PXDNL: variants seen among roughly 807,000 people sequenced by gnomAD.
The protein encoded by PXDNL is peroxidasin like.
A neutral mutation model predicts 150.8 loss-of-function variants in PXDNL; 145 were observed. The ratio of observed to expected loss-of-function variants is 0.96; its 90% confidence interval spans 0.84 to 1.10. PXDNL has a LOEUF of 1.10. Among genes scored for constraint, PXDNL ranks in the 50% least tolerant of loss-of-function variants. The probability of loss-of-function intolerance (pLI) is 0.00; values close to 1 mark genes in which losing one functional copy is unlikely to be tolerated. For missense variants in PXDNL, 2,087 were observed against 1,873.9 expected (o/e 1.11, Z -2.10); for synonymous variants, 757 against 725.7 (o/e 1.04, Z -0.69).
In PXDNL at chr8:51,350,263, C is replaced by T. The variant is rs186593731; in HGVS notation, c.3902-4316G>A. Among the ~76,000 whole-genome samples, 73 of 151,624 alleles carry T rather than the reference C, an allele frequency of 4.8e-4. 1 individual carries two copies. The highest frequency in any genetic ancestry group is 1.7e-3 in the African/African-American group (70 of 41,252). Reference sequence around the variant, plus strand: ...AGGCAGTGATTGATTCGCATAGGGCCCAGGGGATTGGTCTGACCAGGTATG... The same window carrying T: ...AGGCAGTGATTGATTCGCATAGGGCTCAGGGGATTGGTCTGACCAGGTATG... On this transcript the variant is annotated intron_variant, in intron 19 of 22. Coordinates refer to ENST00000356297, the MANE Select transcript of PXDNL (RefSeq NM_144651.5).
rs2130098795 is a variant in PXDNL at position 51,472,193 on chromosome 8, T to C, written c.806A>G (p.His269Arg). Reference sequence around the variant, plus strand: ...GTCCATGCTCAGTATTTACTTGTTGTGTATCCAAATAATCTCAGGTTTGGG... The same window carrying C: ...GTCCATGCTCAGTATTTACTTGTTGCGTATCCAAATAATCTCAGGTTTGGG... ...GNPKPEIIWI[H>R]NNHSLDLEDD... Residue 269 changes from histidine to arginine, a missense_variant, in exon 8 of 23, where the codon CAC becomes CGC. Physicochemically the swap from His to Arg is conservative, Grantham distance 29. Transcript: ENST00000356297. 6.2e-7 allele frequency: 1 copy of C among 1,605,298 alleles called. No individual in the cohort carries two copies. Among genetic ancestry groups the C allele is most frequent in the Non-Finnish European group, 8.5e-7 (1 of 1,172,106 alleles).
intron 1 of PXDNL, among the ~76,000 whole-genome samples, chr8:51,808,396 AC>A (rs2037700813): frequency 6.6e-6 from 1 of 152,124 alleles, no homozygotes; most frequent in Admixed American, 6.5e-5. Flanking sequence ...TTAAAAATAG[AC>A]CCTAGAAACA....
intron 8 of PXDNL, among the ~76,000 whole-genome samples, chr8:51,465,385 G>A (rs116236890): frequency 0.014 from 2,085 of 151,688 alleles, 26 homozygotes; most frequent in Middle Eastern, 0.027. Flanking sequence ...CAACAAACTA[G>A]GCGTCAAAGC....
chr8:51,322,028 G>T (rs888718984), intron 21 of PXDNL, among the ~76,000 whole-genome samples: 5 of 152,156 alleles, frequency 3.3e-5, no homozygotes, highest in African/African-American at 1.2e-4. Flanking sequence ...GTAAAAAAGA[G>T]GAAGAGACAC....
At chr8:51,556,135 G>T (rs116386871) in intron 4 of PXDNL, among the ~76,000 whole-genome samples, 1 of 152,052 alleles carries the variant, frequency 6.6e-6, no homozygotes, top group East Asian at 1.9e-4. Flanking sequence ...AGCTGGGCAT[G>T]ATGGGGCATA....
intron 1 of PXDNL, among the ~76,000 whole-genome samples, chr8:51,766,730 T>C (rs2037235466): frequency 6.7e-6 from 1 of 148,156 alleles, no homozygotes. Context: ...TTATTTGTGA[T>C]GCATCTTTTT....
chr8:51,554,967 T>C (rs1812570866), intron 4 of PXDNL, among the ~76,000 whole-genome samples: 2 of 152,222 alleles, frequency 1.3e-5, no homozygotes, highest in African/African-American at 2.4e-5. Flanking sequence ...TTGTGCCCAT[T>C]ATCCAGTTCC....
chr8:51,356,989 TC>T (rs1387452357), intron 19 of PXDNL, among the ~76,000 whole-genome samples: 1 of 152,146 alleles, frequency 6.6e-6, no homozygotes, highest in African/African-American at 2.4e-5. Flanking sequence ...CTGATAATTA[TC>T]CCCCAAACCA....
At chr8:51,360,565 G>A (rs112811157) in intron 19 of PXDNL, among the ~76,000 whole-genome samples, 7,488 of 152,206 alleles carry the variant, frequency 0.049, 604 homozygotes, top group African/African-American at 0.17. Flanking sequence ...ACCTATCCAC[G>A]TACACAGTTA....
At position 51,403,741 on chromosome 8, in the gene PXDNL, C is replaced by A. The variant is rs117493142; in HGVS notation, c.3557+4326G>T. On this transcript the variant is annotated intron_variant, in intron 17 of 22. Transcript: ENST00000356297. ...GATCTAAATGTGTCTACCCAAAATT[C>A]AAATGTGGAAGCTTCATCTCCGATG... 2.0e-4 allele frequency among the ~76,000 whole-genome samples: 30 copies of A among 152,276 alleles called. No individual in the cohort carries two copies. The East Asian group carries it at 5.0e-3, about 25-fold the overall frequency.
chr8:51,544,963 TGAAATAAAATTGAATTTCA>T, intron 4 of PXDNL, among the ~76,000 whole-genome samples: 1 of 152,314 alleles, frequency 6.6e-6, no homozygotes, highest in South Asian at 2.1e-4. Flanking sequence ...CAAGATATAC[TGAAATAAAATTGAATTTCA>T]GAGTTTATGA....
chr8:51,608,544 G>C (rs1813920765), intron 2 of PXDNL, among the ~76,000 whole-genome samples: 1 of 147,360 alleles, frequency 6.8e-6, no homozygotes, highest in Non-Finnish European at 1.5e-5. Context: ...AAGGTAAAGA[G>C]AAAGTATTGC....
chr8:51,413,283 A>G, intron 14 of PXDNL, 25 bp from the exon 15 acceptor site: 2 of 1,419,892 alleles, frequency 1.4e-6, no homozygotes, highest in Non-Finnish European at 2.0e-6. Context: ...TCCATGATTA[A>G]AAATATCAAA....
At chr8:51,715,433 A>G (rs1348889638) in intron 1 of PXDNL, among the ~76,000 whole-genome samples, 1 of 152,218 alleles carries the variant, frequency 6.6e-6, no homozygotes, top group Non-Finnish European at 1.5e-5. Flanking sequence ...TTTAATCACT[A>G]CACTAAGCAG....
chr8:51,528,508 T>G (rs1043865232), intron 4 of PXDNL, among the ~76,000 whole-genome samples: 1 of 152,344 alleles, frequency 6.6e-6, no homozygotes, highest in Middle Eastern at 3.4e-3. Flanking sequence ...CTCAAAGATG[T>G]AAATGCCTTA....
intron 4 of PXDNL, among the ~76,000 whole-genome samples, chr8:51,506,512 G>A (rs936592241): frequency 6.2e-5 from 7 of 113,774 alleles, no homozygotes; most frequent in Admixed American, 2.8e-4. Flanking sequence ...CTGCACTCCA[G>A]CCTGGGTGAC....
At chr8:51,461,758 G>A (rs556990626) in intron 8 of PXDNL, among the ~76,000 whole-genome samples, 3 of 152,338 alleles carry the variant, frequency 2.0e-5, no homozygotes, top group African/African-American at 4.8e-5. Flanking sequence ...GAAAATGTAG[G>A]TGTGTCAACA....
At chr8:51,586,414 C>A (rs1277964799) in intron 3 of PXDNL, among the ~76,000 whole-genome samples, 3 of 152,160 alleles carry the variant, frequency 2.0e-5, no homozygotes, top group Admixed American at 1.3e-4. Flanking sequence ...GATAGAAATG[C>A]TTGATTGTTT....
At chr8:51,502,330 TC>T (rs939521688) in intron 4 of PXDNL, among the ~76,000 whole-genome samples, 2 of 151,972 alleles carry the variant, frequency 1.3e-5, no homozygotes, top group Non-Finnish European at 1.5e-5. Flanking sequence ...GATCCAAGAA[TC>T]CCGGAGCAGA....
Sources: gnomAD v4.1 joint callset for allele counts (sites outside exome capture counted in the v4.1 genomes callset) on GRCh38, gnomAD v4.1.1 for gene constraint, MANE v1.5 for transcripts, NCBI Gene and HGNC (gene_info 2026-07-23, HGNC 2026-07-21) for gene names.